Variants in RASSF8 observed in about 807,000 individuals in gnomAD.
The protein encoded by RASSF8 is ras association domain-containing protein 8.
Under a neutral mutation model 48.5 loss-of-function variants are expected in RASSF8, and 22 were observed. The ratio of observed to expected loss-of-function variants is 0.45; its 90% CI spans 0.32 to 0.65. The LOEUF is 0.65. Ranked by LOEUF, RASSF8 falls within the 30% of genes least tolerant of loss-of-function variation. The pLI is 0.03. For missense variants in RASSF8, 418 were observed against 489.2 expected, an observed-to-expected ratio of 0.85 and a Z score of 1.37; for synonymous variants, 127 against 171.5, an observed-to-expected ratio of 0.74 and a Z score of 2.03.
At chr12:26,075,772 TAAACAAGA>T (rs1225632000), downstream of RASSF8, among the ~76,000 whole-genome samples, 9 of 152,156 alleles carry the variant, frequency 5.9e-5, no homozygotes, top group Non-Finnish European at 5.9e-5. Flanking sequence ...ATAGGCACTT[TAAACAAGA>T]AACAATCAGC....
In RASSF8 at chr12:25,959,042, C is replaced by G. The variant is rs1485750051; in HGVS notation, c.-309C>G. On this transcript the variant is annotated 5_prime_UTR_variant, in exon 1 of 6. Coordinates refer to ENST00000689635, the MANE Select transcript of RASSF8 (RefSeq NM_001394098.1). ...CCGGGGAGTGCCGGGGAGTGCGGCGCGGGGACGGGCGCTGGGCGGCCGCGG... is the reference window on the plus strand; with the variant it reads ...CCGGGGAGTGCCGGGGAGTGCGGCGGGGGGACGGGCGCTGGGCGGCCGCGG... 3 of 145,812 alleles carry G rather than the reference C, an allele frequency of 2.1e-5. No individual in the cohort carries two copies. The highest frequency in any genetic ancestry group is 2.0e-4 in the East Asian group (1 of 4,892). The allele number at this position is 145,812 out of a possible 1,614,324, so 9.0% of individuals were successfully genotyped here.
At chr12:26,006,918 T>A (rs1030044914) in intron 2 of RASSF8, among the ~76,000 whole-genome samples, 2 of 152,204 alleles carry the variant, frequency 1.3e-5, no homozygotes, top group African/African-American at 4.8e-5. Flanking sequence ...ACTAGGTAAT[T>A]TGTAAAGAAA....
chr12:25,965,138 T>C (rs1388588514), intron 1 of RASSF8, among the ~76,000 whole-genome samples: 1 of 151,906 alleles, frequency 6.6e-6, no homozygotes, highest in Admixed American at 6.6e-5. Flanking sequence ...GAGACAGGAT[T>C]TACCATGTTA....
chr12:25,964,559 T>TA (rs1941313306), intron 1 of RASSF8, among the ~76,000 whole-genome samples: 3 of 152,230 alleles, frequency 2.0e-5, no homozygotes, highest in Admixed American at 6.5e-5. Context: ...TCGTGAGTGC[T>TA]AAATCATGTT....
Position 26,065,238 on chromosome 12 carries a change from C to A in RASSF8, c.844C>A (p.Gln282Lys), listed in dbSNP as rs374161291. The A allele has an allele frequency of 2.4e-5, 38 of 1,614,114 alleles. No homozygotes were observed. In the Middle Eastern group the frequency reaches 8.2e-4, roughly 35 times the overall value. Residue 282 changes from glutamine to lysine, a missense_variant, in exon 4 of 6, where the codon CAA becomes AAA. Gln to Lys is a moderately conservative substitution (Grantham distance 53). Transcript: ENST00000689635. ...AGCAGAAAAATTGCAACGGGAAGTT[C>A]AAGAGGCACAGGTCAATGAGGAAGA... Reference protein sequence around the residue: ...LEAEKLQREVQEAQVNEEEVK... With the variant: ...LEAEKLQREVKEAQVNEEEVK...
At chr12:26,061,319 A>C (rs1010313668) in intron 3 of RASSF8, among the ~76,000 whole-genome samples, 3 of 152,100 alleles carry the variant, frequency 2.0e-5, no homozygotes, top group African/African-American at 7.2e-5. Context: ...GTAAGCTGTT[A>C]TCCTGTTTTC....
chr12:25,995,340 T>A (rs553674096), intron 2 of RASSF8, among the ~76,000 whole-genome samples: 1 of 152,298 alleles, frequency 6.6e-6, no homozygotes, highest in Admixed American at 6.5e-5. Flanking sequence ...TGCAGTATAA[T>A]TCCTAGGTCC....
intron 2 of RASSF8, among the ~76,000 whole-genome samples, chr12:26,044,906 T>C (rs1943340830): frequency 6.6e-6 from 1 of 152,010 alleles, no homozygotes. Context: ...AAAGTATAGC[T>C]GTTTGGAACA....
chr12:26,040,653 C>G (rs1565632098), intron 2 of RASSF8, among the ~76,000 whole-genome samples: 1 of 152,102 alleles, frequency 6.6e-6, no homozygotes, highest in East Asian at 1.9e-4. Flanking sequence ...TTCCTAACAC[C>G]CCACTTTACC....
At chr12:26,053,782 T>C (rs1034749083) in intron 2 of RASSF8, among the ~76,000 whole-genome samples, 15 of 152,194 alleles carry the variant, frequency 9.9e-5, no homozygotes, top group African/African-American at 2.4e-5. Flanking sequence ...TGCAGAGAGC[T>C]AAAGCAAAGT....
chr12:25,996,138 AGG>A (rs1322901044), intron 2 of RASSF8, among the ~76,000 whole-genome samples: 1 of 152,208 alleles, frequency 6.6e-6, no homozygotes, highest in Non-Finnish European at 1.5e-5. Context: ...CATGACTAGA[AGG>A]CTGCAAATGT....
At chr12:25,975,737 G>A (rs910507637) in intron 1 of RASSF8, among the ~76,000 whole-genome samples, 2 of 152,282 alleles carry the variant, frequency 1.3e-5, no homozygotes, top group Admixed American at 1.3e-4. Context: ...GAGAAACAGA[G>A]GAAGCTATTT....
intron 1 of RASSF8, among the ~76,000 whole-genome samples, chr12:25,970,090 G>A (rs570484789): frequency 6.8e-6 from 1 of 147,664 alleles, no homozygotes; most frequent in African/African-American, 2.5e-5. Flanking sequence ...CTTCCTGTAC[G>A]ACCCCACTTT....
chr12:26,072,894 C>G (rs968685688), downstream of RASSF8: 3 of 844,918 alleles, frequency 3.6e-6, no homozygotes, highest in Non-Finnish European at 4.3e-6. Flanking sequence ...TTGTTTCTTA[C>G]ATCCTTTATA....
At chr12:26,001,669 C>T (rs1942261723) in intron 2 of RASSF8, among the ~76,000 whole-genome samples, 1 of 151,984 alleles carries the variant, frequency 6.6e-6, no homozygotes, top group Non-Finnish European at 1.5e-5. Context: ...CACATCCTGT[C>T]GTACTGGAAG....
intron 2 of RASSF8, among the ~76,000 whole-genome samples, chr12:26,033,099 G>A (rs1009762529): frequency 6.6e-6 from 1 of 152,100 alleles, no homozygotes; most frequent in Non-Finnish European, 1.5e-5. Context: ...CTTTTCCCCT[G>A]AGGTAAATAC....
chr12:26,016,837 GGATA>G (rs1942663068), intron 2 of RASSF8, among the ~76,000 whole-genome samples: 2 of 152,252 alleles, frequency 1.3e-5, no homozygotes, highest in Admixed American at 1.3e-4. Flanking sequence ...TAACAAAACA[GGATA>G]GATAATGAAA....
intron 2 of RASSF8, among the ~76,000 whole-genome samples, chr12:25,999,308 A>AATATTTATATATTTATATATATATTT (rs1942202599): frequency 6.6e-6 from 1 of 152,216 alleles, no homozygotes; most frequent in Non-Finnish European, 1.5e-5. Context: ...AACAATGACT[A>AATATTTATATATTTATATATATATTT]ATATTTATAT....
chr12:26,006,459 G>A (rs1287198509), intron 2 of RASSF8, among the ~76,000 whole-genome samples: 1 of 152,200 alleles, frequency 6.6e-6, no homozygotes, highest in Non-Finnish European at 1.5e-5. Context: ...GACTTAGCAT[G>A]TAAGCAATTC....
Sources: gnomAD v4.1 joint callset for allele counts (sites outside exome capture counted in the v4.1 genomes callset) on GRCh38, gnomAD v4.1.1 for gene constraint, MANE v1.5 for transcripts, NCBI Gene and HGNC (gene_info 2026-07-23, HGNC 2026-07-21) for gene names.